Variants in RBMS3 observed in about 807,000 individuals in gnomAD.
RBMS3 encodes RNA-binding motif, single-stranded-interacting protein 3.
Under a neutral mutation model 66.8 loss-of-function variants are expected in RBMS3, and 27 were observed. The ratio of observed to expected loss-of-function variants is 0.40; its 90% CI spans 0.30 to 0.56. The LOEUF is 0.56. Ranked by LOEUF, RBMS3 falls within the 20% of genes least tolerant of loss-of-function variation. RBMS3 has a pLI of 0.40. For synonymous variants in RBMS3, 188 were observed against 183.0 expected (o/e 1.03, Z -0.22); for missense variants, 513 against 549.5 (o/e 0.93, Z 0.66).
intron 1 of RBMS3, among the ~76,000 whole-genome samples, chr3:29,368,966 G>C (rs572239474): frequency 2.0e-5 from 3 of 152,148 alleles, no homozygotes; most frequent in African/African-American, 7.2e-5. Flanking sequence ...ATACATCATG[G>C]AGTACTGTGC....
At chr3:29,655,515 G>T (rs2050294281) in intron 4 of RBMS3, among the ~76,000 whole-genome samples, 1 of 152,164 alleles carries the variant, frequency 6.6e-6, no homozygotes, top group African/African-American at 2.4e-5. Context: ...TGACATCATA[G>T]TTGCCATAAC....
At chr3:29,948,471 C>T (rs1215549102) in intron 12 of RBMS3, among the ~76,000 whole-genome samples, 1 of 151,782 alleles carries the variant, frequency 6.6e-6, no homozygotes, top group Admixed American at 6.6e-5. Flanking sequence ...AGTATTTTAG[C>T]TGCTTCAAAG....
chr3:29,536,980 T>C (rs1324067635), intron 3 of RBMS3, among the ~76,000 whole-genome samples: 1 of 152,236 alleles, frequency 6.6e-6, no homozygotes. Flanking sequence ...GAGAATGTTA[T>C]AAGACAGGAA....
In RBMS3 at chr3:29,848,055, T is replaced by C. The variant is rs1337874121; in HGVS notation, c.638-20803T>C. Among the ~76,000 whole-genome samples, 3 of 152,330 alleles carry C rather than the reference T, an allele frequency of 2.0e-5. No homozygotes were observed. The East Asian group carries it at 5.8e-4, about 29-fold the overall frequency. On this transcript the variant is annotated intron_variant, in intron 6 of 14. Coordinates refer to ENST00000383767, the MANE Select transcript of RBMS3 (RefSeq NM_001003793.3). ...TCAATACAAAATAGAGCCAACTCTTTGTTCACCTTTTTTCTAGGTATCCCC... is the reference window on the plus strand; with the variant it reads ...TCAATACAAAATAGAGCCAACTCTTCGTTCACCTTTTTTCTAGGTATCCCC...
chr3:29,337,724 G>T (rs1190125557), intron 1 of RBMS3, among the ~76,000 whole-genome samples: 2 of 152,026 alleles, frequency 1.3e-5, no homozygotes, highest in Non-Finnish European at 2.9e-5. Context: ...ATATGAAGCT[G>T]CACAGAATCA....
At chr3:29,344,748 T>A (rs959870791) in intron 1 of RBMS3, among the ~76,000 whole-genome samples, 1 of 152,170 alleles carries the variant, frequency 6.6e-6, no homozygotes, top group African/African-American at 2.4e-5. Flanking sequence ...CTTAAGCTTA[T>A]AATTTTCATG....
At chr3:29,393,412 G>C (rs1575695642) in intron 1 of RBMS3, among the ~76,000 whole-genome samples, 1 of 152,258 alleles carries the variant, frequency 6.6e-6, no homozygotes, top group East Asian at 1.9e-4. Flanking sequence ...CTTAAGAGGT[G>C]TATATTCCAA....
At position 29,868,708 on chromosome 3, in the gene RBMS3, A is replaced by G. The variant is rs565586002; in HGVS notation, c.638-150A>G. The G allele has an allele frequency of 1.5e-5, 10 of 657,824 alleles. No individual in the cohort carries two copies. The South Asian group carries it at 1.8e-4, about 12-fold the overall frequency. 40.7% of individuals were successfully genotyped at this position (657,824 alleles called of 1,614,324 possible). ...CCAGTTAGTTAGAACAGCGGCCAACAGAGCTGAGACTAAAAGGGGGCCAAA... is the reference window on the plus strand; with the variant it reads ...CCAGTTAGTTAGAACAGCGGCCAACGGAGCTGAGACTAAAAGGGGGCCAAA... On this transcript the variant is annotated intron_variant, in intron 6 of 14. Transcript: ENST00000383767.
chr3:29,598,449 A>G (rs1161597884), intron 4 of RBMS3, among the ~76,000 whole-genome samples: 1 of 152,098 alleles, frequency 6.6e-6, no homozygotes, highest in African/African-American at 2.4e-5. Context: ...TTTTATAATT[A>G]CTGAGACAAT....
At chr3:29,399,761 T>A (rs1170287021) in intron 1 of RBMS3, among the ~76,000 whole-genome samples, 1 of 152,130 alleles carries the variant, frequency 6.6e-6, no homozygotes, top group Non-Finnish European at 1.5e-5. Flanking sequence ...CAATTATGCC[T>A]TGTTGGCTAG....
At chr3:29,318,569 T>C (rs1278852934) in intron 1 of RBMS3, among the ~76,000 whole-genome samples, 1 of 151,934 alleles carries the variant, frequency 6.6e-6, no homozygotes. Flanking sequence ...CTGGCACTGA[T>C]TAGCAATTAT....
At chr3:29,703,051 G>C (rs1344161916) in intron 4 of RBMS3, among the ~76,000 whole-genome samples, 1 of 152,210 alleles carries the variant, frequency 6.6e-6, no homozygotes, top group Admixed American at 6.5e-5. Flanking sequence ...TGCAGACGAT[G>C]TTTTGAGCTA....
At chr3:29,704,699 A>G (rs74608647) in intron 4 of RBMS3, among the ~76,000 whole-genome samples, 2 of 152,200 alleles carry the variant, frequency 1.3e-5, no homozygotes, top group African/African-American at 4.8e-5. Context: ...TTATTTTTAA[A>G]TGTTGATACT....
rs114376838 is a variant in RBMS3, at chr3:29,906,130, C to T, written c.939+6375C>T. On this transcript the variant is annotated intron_variant, in intron 10 of 14. Coordinates refer to ENST00000383767, the MANE Select transcript of RBMS3 (RefSeq NM_001003793.3). ...TATTTTGGATCACTTAATAGAGTAT[C>T]AGGTTTCCGCCATATGTATTCTATA... is the stretch of plus-strand genomic sequence containing the variant. 7.3e-3 allele frequency among the ~76,000 whole-genome samples: 1,118 copies of T among 152,222 alleles called. 5 individuals are homozygous for T. The highest frequency in any genetic ancestry group is 0.012 in the Non-Finnish European group (803 of 68,004).
chr3:29,440,557 T>A (rs1359541283), intron 2 of RBMS3, among the ~76,000 whole-genome samples: 2 of 152,184 alleles, frequency 1.3e-5, no homozygotes, highest in African/African-American at 4.8e-5. Flanking sequence ...GCTCAAGTCA[T>A]GACACCCTAG....
Position 29,838,193 on chromosome 3 carries a change from G to C in RBMS3, c.638-30665G>C, listed in dbSNP as rs954743403. On this transcript the variant is annotated intron_variant, in intron 6 of 14. Transcript: ENST00000383767. ...CTCTACAAAAAAAAAAAAAAAAAAA[G>C]CCAGCTGTGATGGTGTGCACCTGAA... Among the ~76,000 whole-genome samples the C allele has an allele frequency of 1.1e-4, 11 of 99,068 alleles. No homozygotes were observed. The South Asian group carries it at 2.4e-3, about 21-fold the overall frequency. 65.0% of individuals were successfully genotyped at this position (99,068 alleles called of 152,430 possible). A position where few individuals can be genotyped will look rare whatever the true frequency, so the allele number is the denominator to read the frequency against.
chr3:29,403,555 A>G (rs1048780986), intron 1 of RBMS3, among the ~76,000 whole-genome samples: 1 of 152,098 alleles, frequency 6.6e-6, no homozygotes, highest in African/African-American at 2.4e-5. Flanking sequence ...AGGCCCAATC[A>G]TAAGGCAGAT....
At chr3:29,607,301 G>T (rs1035516484) in intron 4 of RBMS3, among the ~76,000 whole-genome samples, 8 of 151,948 alleles carry the variant, frequency 5.3e-5, no homozygotes, top group African/African-American at 1.9e-4. Flanking sequence ...ATAAACAACA[G>T]AAATTTATTT....
intron 3 of RBMS3, among the ~76,000 whole-genome samples, chr3:29,498,750 G>C (rs868445614): frequency 3.9e-5 from 6 of 152,136 alleles, no homozygotes; most frequent in Admixed American, 3.9e-4. Flanking sequence ...ACATACATCA[G>C]GCAAATGTTT....
Sources: allele counts gnomAD v4.1 joint callset (sites outside exome capture counted in the v4.1 genomes callset), GRCh38; gene constraint gnomAD v4.1.1; transcripts MANE v1.5; gene names NCBI Gene and HGNC (gene_info 2026-07-23, HGNC 2026-07-21).